CA1: variants seen among roughly 807,000 people sequenced by gnomAD.
The protein encoded by CA1 is carbonate dehydratase I.
In CA1, 27 loss-of-function variants were observed where a neutral mutation model predicts 28.8. The observed-to-expected ratio is 0.94, with a 90% CI of 0.69 to 1.29. CA1 has a LOEUF of 1.29. Among genes scored for constraint, CA1 ranks in the 50% most tolerant of loss-of-function variants. The pLI is 0.00. For synonymous variants in CA1, 121 were observed against 108.8 expected (o/e 1.11, Z -0.70); for missense variants, 335 against 310.5 (o/e 1.08, Z -0.59).
intron 1 of CA1, among the ~76,000 whole-genome samples, chr8:85,357,469 A>G (rs1005260442): frequency 6.6e-6 from 1 of 152,212 alleles, no homozygotes; most frequent in African/African-American, 2.4e-5. Flanking sequence ...AGGGTTAATG[A>G]TAATATAGGC....
chr8:85,338,419 A>G lies in CA1; in HGVS notation c.68T>C (p.Ile23Thr), dbSNP rs932900930. 14 of 1,613,846 alleles carry G rather than the reference A, an allele frequency of 8.7e-6. No individual in the cohort carries two copies. The African/African-American group carries it at 1.1e-4, about 12-fold the overall frequency. The change falls in exon 3 of 8, where the codon ATT (isoleucine) becomes ACT (threonine). Residue 23 changes from isoleucine (I) to threonine (T), a missense_variant. Coordinates refer to ENST00000523022, the MANE Select transcript of CA1 (RefSeq NM_001128831.4). ...GPEQWSKLYP[I>T]ANGNNQSPVD... ...AGGGGACTGGTTATTTCCATTGGCA[A>G]TGGGATACAGCTTGCTCCATTGTTC...
chr8:85,338,861 A>T (rs541005006), intron 2 of CA1, among the ~76,000 whole-genome samples: 5 of 151,600 alleles, frequency 3.3e-5, no homozygotes, highest in African/African-American at 1.2e-4. Flanking sequence ...TTACAGGAGC[A>T]TGCCACCATG....
chr8:85,347,470 TGTAC>T (rs1303191317), intron 1 of CA1, among the ~76,000 whole-genome samples: 1 of 152,188 alleles, frequency 6.6e-6, no homozygotes, highest in East Asian at 1.9e-4. Context: ...ATTTCCCAAG[TGTAC>T]ATGTGTTATA....
chr8:85,364,649 C>T (rs2130362798), intron 1 of CA1, among the ~76,000 whole-genome samples: 1 of 152,274 alleles, frequency 6.6e-6, no homozygotes, highest in African/African-American at 2.4e-5. Context: ...ATCAGCTACA[C>T]TGCTATAATA....
rs188477743 is a variant in CA1 at position 85,369,879 on chromosome 8, T to C, written c.-25+8167A>G. 7.4e-4 allele frequency among the ~76,000 whole-genome samples: 112 copies of C among 152,326 alleles called. 2 individuals are homozygous for C. The highest frequency in any genetic ancestry group is 2.3e-3 in the African/African-American group (96 of 41,588). ...TTAAGAAACTGTTATAGTCCTGGAC[T>C]TGTATGTAGAGGATAGGATTACAGT... On this transcript the variant is annotated intron_variant, in intron 1 of 7. Transcript: ENST00000523022.
chr8:85,331,327 G>A (rs891258056), intron 6 of CA1, among the ~76,000 whole-genome samples: 54 of 151,122 alleles, frequency 3.6e-4, no homozygotes, highest in African/African-American at 1.3e-3. Flanking sequence ...TTATATGTAC[G>A]GCTTTTTTTC....
At chr8:85,349,941 T>C (rs1474570961) in intron 1 of CA1, 1 of 152,158 alleles carries the variant, frequency 6.6e-6, no homozygotes, top group Admixed American at 6.5e-5. Flanking sequence ...CACAGCAAAA[T>C]TTTAGAAAAG....
intron 7 of CA1, 79 bp from the exon 8 acceptor site, chr8:85,328,755 C>T (rs1020421101): frequency 2.4e-6 from 2 of 819,546 alleles, no homozygotes; most frequent in Non-Finnish European, 4.0e-6. Context: ...TACTAACGCA[C>T]TGATATTTAG....
chr8:85,336,076 A>C (rs1995057), intron 4 of CA1, among the ~76,000 whole-genome samples: 1 of 152,080 alleles, frequency 6.6e-6, no homozygotes, highest in East Asian at 1.9e-4. Context: ...GTGATTGTTC[A>C]TCAATAGAAG....
At chr8:85,362,528 C>G (rs1040422279) in intron 1 of CA1, among the ~76,000 whole-genome samples, 17 of 152,076 alleles carry the variant, frequency 1.1e-4, no homozygotes, top group Admixed American at 1.1e-3. Context: ...ATTTTTGGCC[C>G]TGGGTGTAAT....
At chr8:85,333,017 G>C (rs935354152) in intron 5 of CA1, among the ~76,000 whole-genome samples, 1 of 152,062 alleles carries the variant, frequency 6.6e-6, no homozygotes, top group Admixed American at 6.6e-5. Context: ...GAACTTTTCA[G>C]GGATTCTTCT....
chr8:85,348,379 TA>T (rs1320460980), intron 1 of CA1, among the ~76,000 whole-genome samples: 1 of 152,214 alleles, frequency 6.6e-6, no homozygotes, highest in Non-Finnish European at 1.5e-5. Flanking sequence ...TAAAGACAGG[TA>T]CAATAACTAA....
rs773100327 is a variant in CA1, at chr8:85,336,944, C to T, written c.354+1G>A. On this transcript the variant is annotated splice_donor_variant, in intron 4 of 7. Transcript: ENST00000523022. LOFTEE classifies it high-confidence loss of function. ...ATCTCTCACTTACTAAATTACATTA[C>T]CTCGGCAGAATATTTGACTCCATCC... 1.2e-5 allele frequency: 19 copies of T among 1,562,908 alleles called. No individual in the cohort carries two copies. The East Asian group carries it at 4.0e-4, about 33-fold the overall frequency.
intron 1 of CA1, among the ~76,000 whole-genome samples, chr8:85,350,773 G>A (rs1195429591): frequency 6.6e-6 from 1 of 152,144 alleles, no homozygotes; most frequent in African/African-American, 2.4e-5. Flanking sequence ...GGCCTTATAG[G>A]CTAAGAACCA....
chr8:85,343,093 T>C (rs1357072889), intron 1 of CA1: 1 of 152,154 alleles, frequency 6.6e-6, no homozygotes, highest in Non-Finnish European at 1.5e-5. Context: ...CTAAAAACTT[T>C]ACGTACATTA....
At chr8:85,341,406 C>G in intron 2 of CA1, 193 bp downstream of exon 2, 1 of 516,486 alleles carries the variant, frequency 1.9e-6, no homozygotes. Flanking sequence ...ATATATATAT[C>G]AAACATATTT....
chr8:85,329,879 TA>T, intron 6 of CA1, 35 bp from the exon 7 acceptor site: 5 of 1,500,020 alleles, frequency 3.3e-6, no homozygotes, highest in Non-Finnish European at 4.6e-6. Flanking sequence ...CAGCATGATA[TA>T]AAATACTTAT....
At chr8:85,359,053 G>A (rs1407574875) in intron 1 of CA1, among the ~76,000 whole-genome samples, 2 of 152,212 alleles carry the variant, frequency 1.3e-5, no homozygotes, top group East Asian at 1.9e-4. Context: ...TGAAGGTAGT[G>A]TGAGATGGTT....
At chr8:85,357,457 C>T (rs117234570) in intron 1 of CA1, among the ~76,000 whole-genome samples, 7 of 151,924 alleles carry the variant, frequency 4.6e-5, no homozygotes, top group African/African-American at 7.3e-5. Flanking sequence ...AGGATTGTGG[C>T]GAGGGTTAAT....
Sources: allele counts gnomAD v4.1 joint callset (sites outside exome capture counted in the v4.1 genomes callset), GRCh38; gene constraint gnomAD v4.1.1; transcripts MANE v1.5; gene names NCBI Gene and HGNC (gene_info 2026-07-23, HGNC 2026-07-21).